The following NELL1 variants were observed in gnomAD, a reference collection of about 807,000 sequenced individuals.
The protein encoded by NELL1 is neural EGFL like 1.
NELL1 carries 76 observed loss-of-function variants against 107.4 expected under a neutral mutation model. The observed-to-expected ratio is 0.71, with a 90% CI of 0.59 to 0.86. The LOEUF (loss-of-function observed/expected upper bound fraction) is 0.86, where lower values mean the gene tolerates loss of function less well. NELL1 is among the 40% of genes least tolerant of loss of function. The pLI is 0.00. For missense variants in NELL1, 1,024 were observed against 1,005.5 expected (o/e 1.02, Z -0.25); for synonymous variants, 353 against 341.2 (o/e 1.03, Z -0.38).
At chr11:21,404,010 C>CCG (rs1554905727) in intron 15 of NELL1, among the ~76,000 whole-genome samples, 3 of 108,158 alleles carry the variant, frequency 2.8e-5, no homozygotes, top group South Asian at 9.3e-4. Flanking sequence ...CCTGAACCCC[C>CCG]CCCCCCGCAA....
chr11:21,396,565 C>T (rs1352017737), intron 15 of NELL1, among the ~76,000 whole-genome samples: 2 of 151,360 alleles, frequency 1.3e-5, no homozygotes, highest in African/African-American at 4.8e-5. Context: ...TTGCCAAGTA[C>T]AAAGATAATT....
intron 2 of NELL1, among the ~76,000 whole-genome samples, chr11:20,694,328 A>G (rs1297862054): frequency 6.6e-6 from 1 of 152,094 alleles, no homozygotes; most frequent in Non-Finnish European, 1.5e-5. Context: ...TACTAGCCAT[A>G]AATTCTTTGT....
chr11:21,539,363 C>T (rs944741172), intron 16 of NELL1, among the ~76,000 whole-genome samples: 1 of 152,018 alleles, frequency 6.6e-6, no homozygotes, highest in African/African-American at 2.4e-5. Context: ...GCTCATTGTA[C>T]CCTCTGCCTT....
At chr11:20,825,885 C>T (rs1365518213) in intron 3 of NELL1, among the ~76,000 whole-genome samples, 1 of 151,194 alleles carries the variant, frequency 6.6e-6, no homozygotes, top group Non-Finnish European at 1.5e-5. Flanking sequence ...TGTCCCCACC[C>T]AAATCTCATC....
intron 2 of NELL1, among the ~76,000 whole-genome samples, chr11:20,762,958 A>G (rs970896879): frequency 6.6e-6 from 1 of 152,064 alleles, no homozygotes; most frequent in Non-Finnish European, 1.5e-5. Flanking sequence ...TTACATCATG[A>G]ATTTTTAAAA....
intron 12 of NELL1, among the ~76,000 whole-genome samples, chr11:21,006,650 T>C (rs1194485807): frequency 6.6e-6 from 1 of 152,118 alleles, no homozygotes; most frequent in Non-Finnish European, 1.5e-5. Context: ...TAAGTTTCAG[T>C]GACACGGTCT....
At chr11:21,008,106 G>A (rs972516725) in intron 12 of NELL1, among the ~76,000 whole-genome samples, 21 of 152,084 alleles carry the variant, frequency 1.4e-4, no homozygotes, top group African/African-American at 4.8e-4. Context: ...GGTTGGACTC[G>A]CTAGCTCTCA....
intron 14 of NELL1, among the ~76,000 whole-genome samples, chr11:21,292,184 G>A (rs898205262): frequency 6.6e-6 from 1 of 152,086 alleles, no homozygotes; most frequent in South Asian, 2.1e-4. Flanking sequence ...ACCCTATCCT[G>A]TCAGCCCAAA....
intron 14 of NELL1, among the ~76,000 whole-genome samples, chr11:21,282,593 C>T (rs1849022631): frequency 6.6e-6 from 1 of 151,886 alleles, no homozygotes; most frequent in African/African-American, 2.4e-5. Context: ...ATTAATCTGA[C>T]CACTATGGAG....
At chr11:21,279,937 C>T (rs535797726) in intron 14 of NELL1, among the ~76,000 whole-genome samples, 3 of 152,218 alleles carry the variant, frequency 2.0e-5, no homozygotes, top group African/African-American at 7.2e-5. Flanking sequence ...CGTAAATGCA[C>T]AATACTAGGT....
intron 2 of NELL1, among the ~76,000 whole-genome samples, chr11:20,775,696 G>GGGAAT: frequency 6.6e-6 from 1 of 152,292 alleles, no homozygotes; most frequent in African/African-American, 2.4e-5. Flanking sequence ...CTTAGCAACA[G>GGGAAT]GGAATGCATT....
At chr11:20,891,667 A>C (rs1849619346) in intron 5 of NELL1, among the ~76,000 whole-genome samples, 1 of 152,096 alleles carries the variant, frequency 6.6e-6, no homozygotes, top group African/African-American at 2.4e-5. Flanking sequence ...GATGGAGGAA[A>C]ATTTACCAAG....
At chr11:21,446,490 C>T (rs1853432961) in intron 15 of NELL1, among the ~76,000 whole-genome samples, 1 of 152,086 alleles carries the variant, frequency 6.6e-6, no homozygotes, top group South Asian at 2.1e-4. Flanking sequence ...TTTGGGAAGG[C>T]TTTTGAAGTA....
In NELL1 at chr11:20,669,659, G is replaced by T. The variant is rs1853843988; in HGVS notation, c.-65G>T. ...CGGCTCCAAGCCAGGCGCGCCTCAG[G>T]ATCCAGGCTCATTTGCTTCCACCTA... On this transcript the variant is annotated 5_prime_UTR_variant, in exon 1 of 20. Coordinates refer to ENST00000357134, the MANE Select transcript of NELL1 (RefSeq NM_006157.5). This position sits in a 1 kb window ranked among gnomAD's most constrained non-coding sequence, Gnocchi z 4.4. The T allele has an allele frequency of 2.1e-6, 3 of 1,428,224 alleles. No homozygotes were observed. The highest frequency in any genetic ancestry group is 1.7e-5 in the Admixed American group (1 of 59,134). 88.5% of individuals were successfully genotyped at this position (1,428,224 alleles called of 1,614,324 possible).
intron 13 of NELL1, among the ~76,000 whole-genome samples, chr11:21,115,640 C>G (rs1015118464): frequency 1.3e-5 from 2 of 151,848 alleles, no homozygotes; most frequent in Non-Finnish European, 2.9e-5. Context: ...TCAATAAAGT[C>G]TTCCCACCCT....
At chr11:21,272,731 C>T (rs967232819) in intron 14 of NELL1, among the ~76,000 whole-genome samples, 1 of 152,208 alleles carries the variant, frequency 6.6e-6, no homozygotes, top group Non-Finnish European at 1.5e-5. Flanking sequence ...CAGGCAGCAA[C>T]ATCTGCTGTT....
At chr11:21,046,716 A>G (rs1853364280) in intron 12 of NELL1, among the ~76,000 whole-genome samples, 1 of 143,968 alleles carries the variant, frequency 6.9e-6, no homozygotes, top group Admixed American at 6.9e-5. Flanking sequence ...TTATTTATTT[A>G]TATTGAGGCA....
intron 14 of NELL1, among the ~76,000 whole-genome samples, chr11:21,305,881 C>T (rs1474942732): frequency 1.3e-5 from 2 of 151,936 alleles, no homozygotes; most frequent in Non-Finnish European, 2.9e-5. Context: ...ATAATTACCA[C>T]TACAATCAAT....
At chr11:21,330,273 C>A (rs1850241681) in intron 14 of NELL1, among the ~76,000 whole-genome samples, 1 of 152,004 alleles carries the variant, frequency 6.6e-6, no homozygotes, top group South Asian at 2.1e-4. Context: ...GGAAAATATG[C>A]ATTTATACTG....
Sources: gnomAD v4.1 joint callset for allele counts (sites outside exome capture counted in the v4.1 genomes callset) on GRCh38, gnomAD v4.1.1 for gene constraint, Gnocchi (gnomAD v3.1) non-coding constraint, MANE v1.5 for transcripts, NCBI Gene and HGNC (gene_info 2026-07-23, HGNC 2026-07-21) for gene names.